The following CTNNA2 variants were observed in gnomAD, a reference collection of about 807,000 sequenced individuals.
CTNNA2 encodes the protein catenin alpha 2.
Under a neutral mutation model 101.0 loss-of-function variants are expected in CTNNA2, and 42 were observed. The ratio of observed to expected loss-of-function variants is 0.42; its 90% confidence interval spans 0.32 to 0.54. The LOEUF (loss-of-function observed/expected upper bound fraction) is 0.54. Ranked by LOEUF, CTNNA2 falls within the 20% of genes least tolerant of loss-of-function variation. The probability of loss-of-function intolerance (pLI) is 0.14; values close to 1 mark genes in which losing one functional copy is unlikely to be tolerated. For missense variants in CTNNA2, 871 were observed against 1,223.1 expected, an observed-to-expected ratio of 0.71 and a Z score of 4.29; for synonymous variants, 450 against 456.4, an observed-to-expected ratio of 0.99 and a Z score of 0.18.
chr2:80,320,203 A>G (rs181255161), intron 7 of CTNNA2, among the ~76,000 whole-genome samples: 35 of 152,332 alleles, frequency 2.3e-4, no homozygotes, highest in African/African-American at 8.4e-4. Context: ...AGTGATACAT[A>G]CACAGTTGGT....
At chr2:80,120,683 G>A (rs1701780876) in intron 7 of CTNNA2, among the ~76,000 whole-genome samples, 1 of 152,140 alleles carries the variant, frequency 6.6e-6, no homozygotes, top group South Asian at 2.1e-4. Context: ...TTATGGCAAT[G>A]GTGTGGGGAT....
intron 3 of CTNNA2, among the ~76,000 whole-genome samples, chr2:79,843,013 A>G (rs1679944697): frequency 6.6e-6 from 1 of 152,206 alleles, no homozygotes; most frequent in Non-Finnish European, 1.5e-5. Context: ...ATTTTTAGAT[A>G]TAATCTCTAA....
At chr2:79,242,122 G>T (rs981318449) in intron 2 of CTNNA2, among the ~76,000 whole-genome samples, 1 of 151,986 alleles carries the variant, frequency 6.6e-6, no homozygotes, top group Admixed American at 6.6e-5. Flanking sequence ...TAGCCAGGAT[G>T]GTCTCGATCT....
intron 4 of CTNNA2, among the ~76,000 whole-genome samples, chr2:79,391,145 C>A (rs1678167604): frequency 6.6e-6 from 1 of 152,124 alleles, no homozygotes; most frequent in Non-Finnish European, 1.5e-5. Context: ...TTCACTTCTG[C>A]AAGCATTTTT....
chr2:80,604,681 C>T (rs1697850967), intron 16 of CTNNA2, among the ~76,000 whole-genome samples: 2 of 151,922 alleles, frequency 1.3e-5, no homozygotes, highest in African/African-American at 4.8e-5. Context: ...ATTTAGGTTG[C>T]ACATTTTAAC....
intron 12 of CTNNA2, 73 bp downstream of exon 12, chr2:80,555,966 C>T: frequency 9.2e-7 from 1 of 1,091,596 alleles, no homozygotes; most frequent in African/African-American, 1.6e-5. Context: ...AAATCTGTTT[C>T]ATTGATTTCT....
rs887359705 is a variant in CTNNA2 at position 80,279,057 on chromosome 2, T to C, written c.1057-114154T>C. Reference sequence around the variant, plus strand: ...TACATTAATGACTTTTACGTGTGTGTGTGTGTGTGTGTGTGTGTGTGTGTG... The same window carrying C: ...TACATTAATGACTTTTACGTGTGTGCGTGTGTGTGTGTGTGTGTGTGTGTG... On this transcript the variant is annotated intron_variant, in intron 7 of 18. Transcript: ENST00000402739. 2.7e-5 allele frequency among the ~76,000 whole-genome samples: 4 copies of C among 150,466 alleles called. No homozygotes were observed. The East Asian group carries it at 5.9e-4, about 22-fold the overall frequency.
In CTNNA2 at chr2:80,151,649, G is replaced by A. The variant is rs566849032; in HGVS notation, c.1057-241562G>A. The stretch of plus-strand genomic sequence containing the variant: ...TTATTCCTTCTTGCTCCTTCTCACC[G>A]TAAGCCCACATAGCCGTGCCACCAG... On this transcript the variant is annotated intron_variant, in intron 7 of 18. Coordinates refer to ENST00000402739, the MANE Select transcript of CTNNA2 (RefSeq NM_001282597.3). Among the ~76,000 whole-genome samples the A allele has an allele frequency of 6.6e-5, 10 of 152,186 alleles. 1 individual carries two copies. Among genetic ancestry groups the A allele is most frequent in the African/African-American group, 1.4e-4 (6 of 41,530 alleles).
intron 2 of CTNNA2, among the ~76,000 whole-genome samples, chr2:79,728,516 T>G (rs1038636798): frequency 1.3e-5 from 2 of 152,176 alleles, no homozygotes; most frequent in Non-Finnish European, 2.9e-5. Context: ...TGTCTCCCAT[T>G]TTGTAGGTTG....
chr2:80,539,311 CT>C (rs763178918), intron 9 of CTNNA2, among the ~76,000 whole-genome samples: 210 of 110,234 alleles, frequency 1.9e-3, no homozygotes, highest in Middle Eastern at 5.4e-3. Context: ...GCTCTCCTTG[CT>C]TTTTTTTTTT....
intron 4 of CTNNA2, among the ~76,000 whole-genome samples, chr2:79,393,897 C>T (rs1037786991): frequency 5.3e-5 from 8 of 152,116 alleles, no homozygotes; most frequent in Non-Finnish European, 1.0e-4. Flanking sequence ...GACTCTCAGG[C>T]GCCACCTTCC....
intron 4 of CTNNA2, among the ~76,000 whole-genome samples, chr2:79,431,137 G>A (rs1053467848): frequency 2.0e-5 from 3 of 152,012 alleles, no homozygotes; most frequent in Non-Finnish European, 4.4e-5. Flanking sequence ...TGGACTTTGA[G>A]GAGTTCAGAT....
At chr2:79,781,454 C>T (rs909843703) in intron 3 of CTNNA2, among the ~76,000 whole-genome samples, 2 of 152,126 alleles carry the variant, frequency 1.3e-5, no homozygotes, top group African/African-American at 4.8e-5. Context: ...CTTATTTTAC[C>T]CAGCTCCTAT....
intron 7 of CTNNA2, among the ~76,000 whole-genome samples, chr2:80,196,354 A>C (rs982376514): frequency 1.3e-5 from 2 of 152,162 alleles, no homozygotes; most frequent in African/African-American, 4.8e-5. Flanking sequence ...CAGCTTTGGC[A>C]AACATGAGCA....
chr2:79,542,018 G>A (rs188639311), intron 1 of CTNNA2, among the ~76,000 whole-genome samples: 2 of 152,234 alleles, frequency 1.3e-5, no homozygotes, highest in East Asian at 3.9e-4. Flanking sequence ...TCAACTGAGA[G>A]CTTTCTGGCC....
chr2:80,624,688 G>A (rs370563660), intron 18 of CTNNA2, among the ~76,000 whole-genome samples: 1 of 151,786 alleles, frequency 6.6e-6, no homozygotes, highest in Non-Finnish European at 1.5e-5. Context: ...TTTGGAAGTC[G>A]AGGATTGATG....
chr2:79,839,742 C>G (rs1454261657), intron 3 of CTNNA2, among the ~76,000 whole-genome samples: 2 of 151,886 alleles, frequency 1.3e-5, no homozygotes, highest in African/African-American at 4.8e-5. Context: ...TAAAGAAAAT[C>G]TATTTGATTC....
At chr2:80,604,964 TATGGCTCTCACTC>T in intron 16 of CTNNA2, among the ~76,000 whole-genome samples, 1 of 152,144 alleles carries the variant, frequency 6.6e-6, no homozygotes, top group South Asian at 2.1e-4. Flanking sequence ...TCTTATTTAA[TATGGCTCTCACTC>T]TAATGATATT....
intron 14 of CTNNA2, among the ~76,000 whole-genome samples, chr2:80,587,381 G>A (rs1696068552): frequency 6.6e-6 from 1 of 152,050 alleles, no homozygotes; most frequent in Non-Finnish European, 1.5e-5. Context: ...AGTTGGAAAG[G>A]CAAATTAATG....
Sources: gnomAD v4.1 joint callset for allele counts (sites outside exome capture counted in the v4.1 genomes callset) on GRCh38, gnomAD v4.1.1 for gene constraint, MANE v1.5 for transcripts, NCBI Gene and HGNC (gene_info 2026-07-23, HGNC 2026-07-21) for gene names.